The following MORN3 variants were observed in gnomAD, a reference collection of about 807,000 sequenced individuals.
MORN3 encodes MORN repeat-containing protein 3.
In MORN3, 38 loss-of-function variants were observed where a neutral mutation model predicts 34.7. The observed-to-expected ratio is 1.10, with a 90% CI of 0.85 to 1.44. The LOEUF (loss-of-function observed/expected upper bound fraction) is 1.44, where lower values mean the gene tolerates loss of function less well. Among genes scored for constraint, MORN3 ranks in the 40% most tolerant of loss-of-function variants. The probability of loss-of-function intolerance (pLI) is 0.00; values close to 1 mark genes in which losing one functional copy is unlikely to be tolerated. For synonymous variants in MORN3, 109 were observed against 115.3 expected (o/e 0.95, Z 0.35); for missense variants, 311 against 321.7 (o/e 0.97, Z 0.25).
intron 5 of MORN3, among the ~76,000 whole-genome samples, 171 bp downstream of exon 5, chr12:121,652,556 CG>C (rs1893282876): frequency 6.6e-6 from 1 of 152,160 alleles, no homozygotes; most frequent in Non-Finnish European, 1.5e-5. Context: ...GAAGAGGAAG[CG>C]TCAAAAAGGA....
chr12:121,653,297 C>T, intron 3 of MORN3, 38 bp from the exon 4 acceptor site: 2 of 1,596,108 alleles, frequency 1.3e-6, no homozygotes, highest in African/African-American at 1.3e-5. Flanking sequence ...GCAGGGTACA[C>T]CAAACTAAGC....
At chr12:121,666,514 A>G (rs1434418396) in intron 1 of MORN3, among the ~76,000 whole-genome samples, 1 of 152,062 alleles carries the variant, frequency 6.6e-6, no homozygotes, top group East Asian at 1.9e-4. Context: ...AAACAAGACA[A>G]AACTATATCA....
intron 1 of MORN3, among the ~76,000 whole-genome samples, chr12:121,668,242 G>GT (rs1392162316): frequency 2.7e-5 from 4 of 150,918 alleles, no homozygotes; most frequent in African/African-American, 9.7e-5. Context: ...GAGCAGGATG[G>GT]TTAAGAGCAC....
In MORN3 at chr12:121,649,273, C is replaced by G. The variant is rs542367758; in HGVS notation, c.*2378G>C. ...CCACTTTTTCTTTAAAAATGGTAACCCTTTACACTCTTCTGCACATTAAGA... is the reference window on the plus strand; with the variant it reads ...CCACTTTTTCTTTAAAAATGGTAACGCTTTACACTCTTCTGCACATTAAGA... On this transcript the variant is annotated 3_prime_UTR_variant, in exon 6 of 6. Coordinates refer to ENST00000355329, the MANE Select transcript of MORN3 (RefSeq NM_173855.5). The G allele has an allele frequency of 3.3e-5, 5 of 151,110 alleles. No homozygotes were observed. In the South Asian group the frequency reaches 6.2e-4, roughly 19 times the overall value. The allele number at this position is 151,110 out of a possible 1,614,324, so 9.4% of individuals were successfully genotyped here. A position where few individuals can be genotyped will look rare whatever the true frequency, so the allele number is the denominator to read the frequency against.
intron 5 of MORN3, among the ~76,000 whole-genome samples, chr12:121,652,298 A>C (rs782717481): frequency 6.6e-6 from 1 of 151,374 alleles, no homozygotes; most frequent in Non-Finnish European, 1.5e-5. Context: ...CAGTGGTGCA[A>C]TCTCAGCTCA....
chr12:121,654,325 C>A lies in MORN3; in HGVS notation c.412G>T (p.Glu138Ter). The stretch of plus-strand genomic sequence containing the variant: ...GGCTTGTCGTTCTCCCACTGTCCCT[C>A]GTAGATGTCGCCGTTGCTGTAATAC... ...RMYYSNGDIY[E>*]GQWENDKPNG... The change falls in exon 3 of 6, where the codon GAG becomes TAG. Residue 138 changes from glutamate (E) to a stop codon, truncating the protein, a stop_gained. Transcript: ENST00000355329. LOFTEE classifies it high-confidence loss of function. 6.2e-7 allele frequency: 1 copy of A among 1,602,596 alleles called. No homozygotes were observed.
chr12:121,670,422 C>T (rs142825347), upstream of MORN3, among the ~76,000 whole-genome samples: 323 of 152,158 alleles, frequency 2.1e-3, 2 homozygotes, highest in East Asian at 0.016. Flanking sequence ...GAGATCATGC[C>T]GCTGCACGCC....
chr12:121,672,420 C>T (rs1045545477), upstream of MORN3, among the ~76,000 whole-genome samples: 4 of 152,142 alleles, frequency 2.6e-5, no homozygotes, highest in Non-Finnish European at 4.4e-5. Context: ...TCATCCGGCG[C>T]CACTGCATTC....
upstream of MORN3, among the ~76,000 whole-genome samples, chr12:121,669,835 T>A (rs201739993): frequency 0.087 from 11,843 of 136,876 alleles, 570 homozygotes; most frequent in East Asian, 0.15. Flanking sequence ...TATATATATT[T>A]TTTTTTTTAT....
At chr12:121,652,971 C>G (rs1893294050) in intron 4 of MORN3, 104 bp downstream of exon 4, 1 of 1,442,698 alleles carries the variant, frequency 6.9e-7, no homozygotes, top group Non-Finnish European at 9.4e-7. Flanking sequence ...TGTTCCCTGT[C>G]TGGGCTTGGC....
chr12:121,666,952 C>CTTTTTTTT (rs376062157), intron 1 of MORN3, among the ~76,000 whole-genome samples: 2 of 108,158 alleles, frequency 1.8e-5, no homozygotes, highest in Admixed American at 9.7e-5. Flanking sequence ...CCCACAACCT[C>CTTTTTTTT]TTTTTTTTTT....
At chr12:121,652,664 A>C in intron 5 of MORN3, 64 bp downstream of exon 5, 2 of 1,494,976 alleles carry the variant, frequency 1.3e-6, no homozygotes, top group Non-Finnish European at 1.9e-6. Context: ...AGATCTGTGC[A>C]TTGTTCTGGG....
chr12:121,658,495 G>A (rs1444782293), intron 2 of MORN3, among the ~76,000 whole-genome samples: 2 of 150,732 alleles, frequency 1.3e-5, no homozygotes, highest in Non-Finnish European at 3.0e-5. Context: ...GAACCCGGGA[G>A]GCGGAGCTCG....
At position 121,669,378 on chromosome 12, in the gene MORN3, C is replaced by T. The variant is rs141504745; in HGVS notation, c.106G>A (p.Asp36Asn). Residue 36 changes from aspartate (D) to asparagine (N), a missense_variant, in exon 1 of 6, where the codon GAC (aspartate) becomes AAC (asparagine). Physicochemically the swap from Asp to Asn is conservative, Grantham distance 23 (BLOSUM62 1). Coordinates refer to ENST00000355329, the MANE Select transcript of MORN3 (RefSeq NM_173855.5). Reference protein sequence around the residue: ...LRSQVYAVNGDYYVGEWKDNV... With the variant: ...LRSQVYAVNGNYYVGEWKDNV... Reference sequence around the variant, plus strand: ...TCCTTCCACTCGCCCACATAGTAGTCGCCATTCACAGCGTATACCTGGCTC... The same window carrying T: ...TCCTTCCACTCGCCCACATAGTAGTTGCCATTCACAGCGTATACCTGGCTC... The T allele has an allele frequency of 1.4e-4, 230 of 1,614,000 alleles. 1 individual carries two copies. The African/African-American group carries it at 2.6e-3, about 18-fold the overall frequency.
At chr12:121,672,474 A>T (rs1423879193), upstream of MORN3, 1 of 152,320 alleles carries the variant, frequency 6.6e-6, no homozygotes, top group Non-Finnish European at 1.5e-5. Flanking sequence ...AAAAAACAAA[A>T]CAAAAAACCC....
At position 121,651,102 on chromosome 12, in the gene MORN3, TTTTTC is replaced by T. The variant is rs1893241849; in HGVS notation, c.*544_*548del. 6.6e-6 allele frequency: 1 copy of T among 152,190 alleles called. No individual in the cohort carries two copies. Among genetic ancestry groups the T allele is most frequent in the Non-Finnish European group, 1.5e-5 (1 of 68,088 alleles). 9.4% of individuals were successfully genotyped at this position (152,190 alleles called of 1,614,324 possible). A position where few individuals can be genotyped will look rare whatever the true frequency, so the allele number is the denominator to read the frequency against. On this transcript the variant is annotated 3_prime_UTR_variant, in exon 6 of 6. Transcript: ENST00000355329. ...ACAGGGGACCTGCCATTTCTTTCTCTTTTTCTTTTCCTTTCTTTTATATTTTAAAA... is the reference window on the plus strand; with the variant it reads ...ACAGGGGACCTGCCATTTCTTTCTCTTTTTCCTTTCTTTTATATTTTAAAA...
intron 1 of MORN3, among the ~76,000 whole-genome samples, chr12:121,662,958 G>T (rs900510663): frequency 6.6e-6 from 1 of 151,690 alleles, no homozygotes; most frequent in African/African-American, 2.4e-5. Flanking sequence ...CCGCCCTCCA[G>T]CCTGGCAACA....
chr12:121,668,546 A>C (rs908711161), intron 1 of MORN3, among the ~76,000 whole-genome samples: 1 of 152,118 alleles, frequency 6.6e-6, no homozygotes, highest in African/African-American at 2.4e-5. Context: ...CGTCTAAAAA[A>C]ATAAAAAGAG....
chr12:121,664,709 A>G (rs1893686685), intron 1 of MORN3, among the ~76,000 whole-genome samples: 1 of 152,048 alleles, frequency 6.6e-6, no homozygotes, highest in Non-Finnish European at 1.5e-5. Flanking sequence ...TAGCCAATAC[A>G]TTGATTGGCT....
Sources: allele counts gnomAD v4.1 joint callset (sites outside exome capture counted in the v4.1 genomes callset), GRCh38; gene constraint gnomAD v4.1.1; transcripts MANE v1.5; gene names NCBI Gene and HGNC (gene_info 2026-07-23, HGNC 2026-07-21).